The following TMTC1 variants were observed in gnomAD, a reference collection of about 807,000 sequenced individuals.
TMTC1 encodes transmembrane O-mannosyltransferase targeting cadherins 1, also known as protein O-mannosyl-transferase TMTC1.
A neutral mutation model predicts 104.8 loss-of-function variants in TMTC1; 73 were observed. The ratio of observed to expected loss-of-function variants is 0.70; its 90% CI spans 0.58 to 0.85. The LOEUF is 0.85. Among genes scored for constraint, TMTC1 ranks in the 40% least tolerant of loss-of-function variants. TMTC1 has a pLI of 0.00. For synonymous variants in TMTC1, 434 were observed against 428.7 expected, an observed-to-expected ratio of 1.01 and a Z score of -0.15; for missense variants, 1,035 against 1,096.1, an observed-to-expected ratio of 0.94 and a Z score of 0.79.
At chr12:29,662,899 T>G (rs1940101532) in intron 5 of TMTC1, among the ~76,000 whole-genome samples, 1 of 152,178 alleles carries the variant, frequency 6.6e-6, no homozygotes, top group Non-Finnish European at 1.5e-5. Context: ...GAGTTGGCTT[T>G]TAGCAAGCTC....
chr12:29,632,973 C>G (rs1298422700), intron 6 of TMTC1, among the ~76,000 whole-genome samples, 174 bp downstream of exon 6: 1 of 152,026 alleles, frequency 6.6e-6, no homozygotes, highest in African/African-American at 2.4e-5. Context: ...TTAGTAGAAA[C>G]AGTCAAAAAA....
In TMTC1 at chr12:29,504,572, T is replaced by C. The variant is rs1326965587; in HGVS notation, c.*2274A>G. 1 of 151,532 alleles carries C rather than the reference T, an allele frequency of 6.6e-6. No individual in the cohort carries two copies. Among genetic ancestry groups the C allele is most frequent in the Non-Finnish European group, 1.5e-5 (1 of 67,934 alleles). 9.4% of individuals were successfully genotyped at this position (151,532 alleles called of 1,614,324 possible). On this transcript the variant is annotated 3_prime_UTR_variant, in exon 18 of 18. Transcript: ENST00000539277. ...CCAGTGTGTGTAGACAGAGTGACAGTGAGAGAAAAAGAGAGGAAGGAAAAG... is the reference window on the plus strand; with the variant it reads ...CCAGTGTGTGTAGACAGAGTGACAGCGAGAGAAAAAGAGAGGAAGGAAAAG...
At position 29,783,323 on chromosome 12, in the gene TMTC1, G is replaced by A. The variant is rs2120706062; in HGVS notation, c.302+127C>T. ...GTGCCATGCACATCCTGGAGAGGAG[G>A]GAGGCGTGGAGGGAAAGGGCGGCAA... On this transcript the variant is annotated intron_variant, in intron 1 of 17. Transcript: ENST00000539277. This position sits in a 1 kb window ranked among gnomAD's most constrained non-coding sequence, Gnocchi z 4.7. The A allele has an allele frequency of 2.5e-6, 2 of 796,976 alleles. No individual in the cohort carries two copies. The highest frequency in any genetic ancestry group is 1.8e-5 in the African/African-American group (1 of 55,924). The allele number at this position is 796,976 out of a possible 1,614,324, so 49.4% of individuals were successfully genotyped here.
chr12:29,542,577 G>A (rs1485211790), intron 10 of TMTC1, among the ~76,000 whole-genome samples: 1 of 152,016 alleles, frequency 6.6e-6, no homozygotes, highest in Non-Finnish European at 1.5e-5. Flanking sequence ...CAGAATGCCA[G>A]GACTGATAAG....
chr12:29,599,920 ATATATATGTG>A (rs562467601), intron 7 of TMTC1, among the ~76,000 whole-genome samples: 5 of 148,054 alleles, frequency 3.4e-5, no homozygotes, highest in African/African-American at 1.3e-4. Context: ...ATATATGTGT[ATATATATGTG>A]TATATATATG....
chr12:29,601,374 G>C (rs1008438216), intron 7 of TMTC1, among the ~76,000 whole-genome samples: 1 of 152,166 alleles, frequency 6.6e-6, no homozygotes, highest in Non-Finnish European at 1.5e-5. Flanking sequence ...CCTTCACTCT[G>C]CCTTTATTTC....
intron 2 of TMTC1, among the ~76,000 whole-genome samples, chr12:29,760,666 G>A (rs894267229): frequency 1.3e-5 from 2 of 151,916 alleles, no homozygotes; most frequent in African/African-American, 4.8e-5. Flanking sequence ...ATATAATCAT[G>A]AGAAAACATC....
chr12:29,721,647 C>A (rs1425981571), intron 5 of TMTC1, among the ~76,000 whole-genome samples: 1 of 151,894 alleles, frequency 6.6e-6, no homozygotes, highest in Non-Finnish European at 1.5e-5. Context: ...TCAAAAAGAT[C>A]AATAACAACA....
chr12:29,674,266 A>G (rs1365825644), intron 5 of TMTC1, among the ~76,000 whole-genome samples: 1 of 152,072 alleles, frequency 6.6e-6, no homozygotes, highest in African/African-American at 2.4e-5. Context: ...CACCTTACAA[A>G]GTCATCAAAA....
chr12:29,588,961 T>A (rs182346927), intron 7 of TMTC1, among the ~76,000 whole-genome samples: 5 of 152,330 alleles, frequency 3.3e-5, no homozygotes, highest in Non-Finnish European at 5.9e-5. Flanking sequence ...CCCAATTGAC[T>A]ATGCCAAAAG....
At chr12:29,608,736 ACGGGGGTG>A (rs745473180) in intron 6 of TMTC1, among the ~76,000 whole-genome samples, 2 of 152,140 alleles carry the variant, frequency 1.3e-5, no homozygotes, top group Non-Finnish European at 2.9e-5. Context: ...TAACACCCAG[ACGGGGGTG>A]CTGAGAGGGT....
chr12:29,635,866 AG>A (rs533706493), intron 5 of TMTC1, among the ~76,000 whole-genome samples: 33 of 152,312 alleles, frequency 2.2e-4, no homozygotes, highest in Non-Finnish European at 3.7e-4. Context: ...AAGGAGGGAG[AG>A]GGCATTTGCA....
chr12:29,613,216 G>C (rs887293553), intron 6 of TMTC1, among the ~76,000 whole-genome samples: 2 of 152,130 alleles, frequency 1.3e-5, no homozygotes, highest in African/African-American at 4.8e-5. Context: ...CATGTGCATT[G>C]AGATCTAACC....
chr12:29,596,492 C>T (rs1440680695), intron 7 of TMTC1, among the ~76,000 whole-genome samples: 1 of 152,166 alleles, frequency 6.6e-6, no homozygotes, highest in Non-Finnish European at 1.5e-5. Flanking sequence ...AAAAGAGAAT[C>T]ATGTTGTTTT....
At chr12:29,644,691 C>G (rs1367330554) in intron 5 of TMTC1, among the ~76,000 whole-genome samples, 1 of 152,132 alleles carries the variant, frequency 6.6e-6, no homozygotes, top group Non-Finnish European at 1.5e-5. Context: ...CACCTCCACC[C>G]TCTGCTCAGG....
intron 5 of TMTC1, among the ~76,000 whole-genome samples, chr12:29,715,988 T>TATC (rs1555191342): frequency 9.0e-5 from 2 of 22,254 alleles, no homozygotes; most frequent in African/African-American, 1.7e-4. Context: ...CCAAACTCAG[T>TATC]ATTATTATTA....
At chr12:29,617,720 A>G (rs1277413960) in intron 6 of TMTC1, among the ~76,000 whole-genome samples, 1 of 152,174 alleles carries the variant, frequency 6.6e-6, no homozygotes, top group Non-Finnish European at 1.5e-5. Flanking sequence ...TGCACTGAGA[A>G]GGTGGCAATC....
chr12:29,542,241 G>A (rs1944821542), intron 10 of TMTC1, among the ~76,000 whole-genome samples: 1 of 152,084 alleles, frequency 6.6e-6, no homozygotes, highest in South Asian at 2.1e-4. Flanking sequence ...AGAAAACTCT[G>A]AATCCCTTTA....
intron 11 of TMTC1, among the ~76,000 whole-genome samples, chr12:29,526,860 C>G (rs1228814228): frequency 6.6e-6 from 1 of 151,866 alleles, no homozygotes; most frequent in Non-Finnish European, 1.5e-5. Flanking sequence ...GGATAACATA[C>G]CAAGACATAT....
Sources: allele counts gnomAD v4.1 joint callset (sites outside exome capture counted in the v4.1 genomes callset), GRCh38; gene constraint gnomAD v4.1.1; non-coding constraint Gnocchi (gnomAD v3.1); transcripts MANE v1.5; gene names NCBI Gene and HGNC (gene_info 2026-07-23, HGNC 2026-07-21).